TENM4: variants seen among roughly 807,000 people sequenced by gnomAD.
The protein encoded by TENM4 is teneurin-4.
Under a neutral mutation model 243.3 loss-of-function variants are expected in TENM4, and 82 were observed. That is an observed-to-expected ratio of 0.34 (90% CI 0.28 to 0.40). TENM4 has a LOEUF of 0.40. Ranked by LOEUF, TENM4 falls within the 10% of genes least tolerant of loss-of-function variation. The probability of loss-of-function intolerance (pLI) is 1.00; values close to 1 mark genes in which losing one functional copy is unlikely to be tolerated. For missense variants in TENM4, 3,138 were observed against 3,673.3 expected (o/e 0.85, Z 3.77); for synonymous variants, 1,412 against 1,456.3 (o/e 0.97, Z 0.69).
intron 6 of TENM4, among the ~76,000 whole-genome samples, chr11:78,942,775 C>A (rs954566795): frequency 9.2e-5 from 14 of 151,426 alleles, no homozygotes; most frequent in East Asian, 7.8e-4. Flanking sequence ...CCCTCTCCCC[C>A]TCCTACGTAA....
At chr11:79,135,833 A>G (rs1311183076) in intron 4 of TENM4, among the ~76,000 whole-genome samples, 1 of 149,262 alleles carries the variant, frequency 6.7e-6, no homozygotes, top group Non-Finnish European at 1.5e-5. Flanking sequence ...TATATATCAT[A>G]TATATGATGG....
chr11:79,072,833 G>A (rs1860449997), intron 4 of TENM4, among the ~76,000 whole-genome samples: 1 of 152,048 alleles, frequency 6.6e-6, no homozygotes, highest in Admixed American at 6.6e-5. Flanking sequence ...ACTCCATAAT[G>A]TTAGCCATTA....
intron 1 of TENM4, among the ~76,000 whole-genome samples, chr11:79,419,249 C>A (rs1858881132): frequency 1.3e-5 from 2 of 152,314 alleles, no homozygotes; most frequent in Non-Finnish European, 2.9e-5. Context: ...GAATCAAGAA[C>A]TGAGGGCACC....
chr11:79,176,954 C>T (rs936978039), intron 3 of TENM4, among the ~76,000 whole-genome samples: 1 of 152,064 alleles, frequency 6.6e-6, no homozygotes, highest in African/African-American at 2.4e-5. Context: ...GAAAGGATAA[C>T]ATTGCTTTTA....
chr11:79,322,462 C>T (rs1565298927), intron 1 of TENM4, among the ~76,000 whole-genome samples: 1 of 152,166 alleles, frequency 6.6e-6, no homozygotes, highest in Non-Finnish European at 1.5e-5. Context: ...CACAGCACCT[C>T]GTAGGCTCCT....
At chr11:79,412,223 C>T (rs569140275) in intron 1 of TENM4, among the ~76,000 whole-genome samples, 1 of 152,366 alleles carries the variant, frequency 6.6e-6, no homozygotes, top group South Asian at 2.1e-4. Context: ...GCATCCGCAT[C>T]ACTGAAAGCC....
intron 6 of TENM4, among the ~76,000 whole-genome samples, chr11:79,028,852 G>T (rs1859153810): frequency 6.6e-6 from 1 of 152,118 alleles, no homozygotes; most frequent in African/African-American, 2.4e-5. Flanking sequence ...GCAATTTTTT[G>T]AGTTCAATTT....
chr11:79,084,426 A>T (rs1452024834), intron 4 of TENM4, among the ~76,000 whole-genome samples: 1 of 152,256 alleles, frequency 6.6e-6, no homozygotes, highest in African/African-American at 2.4e-5. Context: ...AATGATGTTC[A>T]TAAAAGCTTT....
intron 12 of TENM4, among the ~76,000 whole-genome samples, chr11:78,844,510 C>T (rs963398454): frequency 3.9e-5 from 6 of 152,040 alleles, no homozygotes; most frequent in Non-Finnish European, 5.9e-5. Context: ...GTTGTGGTGG[C>T]GTGTGCCTGT....
At chr11:79,177,840 G>T (rs1484348215) in intron 3 of TENM4, among the ~76,000 whole-genome samples, 1 of 152,158 alleles carries the variant, frequency 6.6e-6, no homozygotes, top group Non-Finnish European at 1.5e-5. Flanking sequence ...ACAGCATCAG[G>T]GTGGGCCCTG....
chr11:78,954,806 C>T (rs1857175160), intron 6 of TENM4, among the ~76,000 whole-genome samples: 1 of 152,238 alleles, frequency 6.6e-6, no homozygotes, highest in African/African-American at 2.4e-5. Context: ...GGGCACACCG[C>T]TGTGGCACAG....
intron 6 of TENM4, among the ~76,000 whole-genome samples, chr11:78,953,603 GA>G (rs139121013): frequency 7.9e-5 from 12 of 151,596 alleles, no homozygotes; most frequent in East Asian, 1.9e-4. Flanking sequence ...AAAATAGTCA[GA>G]AAAAAAAGTA....
intron 4 of TENM4, among the ~76,000 whole-genome samples, chr11:79,108,062 G>A (rs1265880217): frequency 6.6e-6 from 1 of 152,184 alleles, no homozygotes; most frequent in African/African-American, 2.4e-5. Context: ...TCTTGAAGTT[G>A]TCTCCCTCCA....
chr11:78,960,254 A>G (rs1857289628), intron 6 of TENM4, among the ~76,000 whole-genome samples: 1 of 151,986 alleles, frequency 6.6e-6, no homozygotes, highest in Non-Finnish European at 1.5e-5. Flanking sequence ...AGCCCACCCC[A>G]GGGAGCACTG....
At chr11:79,306,636 C>T (rs503185) in intron 1 of TENM4, among the ~76,000 whole-genome samples, 84,545 of 151,550 alleles carry the variant, frequency 0.56, 24,796 homozygotes, top group East Asian at 0.77. Flanking sequence ...TCAGTACCAA[C>T]TATGCCCCTG....
At chr11:79,411,596 T>C (rs1858702942) in intron 1 of TENM4, among the ~76,000 whole-genome samples, 1 of 152,144 alleles carries the variant, frequency 6.6e-6, no homozygotes, top group African/African-American at 2.4e-5. Flanking sequence ...ATCTTCTTGG[T>C]GCTCTTCTGC....
At chr11:78,814,539 T>C in intron 12 of TENM4, 144 bp from the exon 13 acceptor site, 1 of 666,176 alleles carries the variant, frequency 1.5e-6, no homozygotes, top group South Asian at 1.9e-5. Context: ...GGAGTTAAAA[T>C]TCTATGTTAT....
At chr11:78,762,473 C>T (rs983685798) in intron 18 of TENM4, among the ~76,000 whole-genome samples, 1 of 152,168 alleles carries the variant, frequency 6.6e-6, no homozygotes, top group African/African-American at 2.4e-5. Flanking sequence ...GATTGGGGTC[C>T]TCTGCAATGG....
chr11:78,934,997 C>CTTTTTTTTTTTTT (rs530062569), intron 6 of TENM4, among the ~76,000 whole-genome samples: 1 of 81,114 alleles, frequency 1.2e-5, no homozygotes, highest in African/African-American at 5.3e-5. Flanking sequence ...AAGTATGCAA[C>CTTTTTTTTTTTTT]TTTTTTTTTT....
Sources: allele counts gnomAD v4.1 joint callset (sites outside exome capture counted in the v4.1 genomes callset), GRCh38; gene constraint gnomAD v4.1.1; transcripts MANE v1.5; gene names NCBI Gene and HGNC (gene_info 2026-07-23, HGNC 2026-07-21).